The following KIF4A variants were observed in gnomAD, a reference collection of about 807,000 sequenced individuals.
The protein encoded by KIF4A is chromosome-associated kinesin KIF4A.
A neutral mutation model predicts 105.9 loss-of-function variants in KIF4A; 7 were observed. The ratio of observed to expected loss-of-function variants is 0.07; its 90% CI spans 0.04 to 0.12. The LOEUF (loss-of-function observed/expected upper bound fraction) is 0.12. Ranked by LOEUF, KIF4A falls within the 10% of genes least tolerant of loss-of-function variation. The pLI is 1.00. For missense variants in KIF4A, 558 were observed against 929.2 expected (o/e 0.60, Z 5.19); for synonymous variants, 281 against 331.3 (o/e 0.85, Z 1.65).
Position 70,353,826 on chromosome X carries a change from C to T in KIF4A, c.1674+19C>T, listed in dbSNP as rs1482438778. 1 of 1,117,177 alleles carries T rather than the reference C, an allele frequency of 9.0e-7. No individual in the cohort carries two copies. Among genetic ancestry groups the T allele is most frequent in the African/African-American group, 1.8e-5 (1 of 54,327 alleles). 92.1% of individuals were successfully genotyped at this position (1,117,177 alleles called of 1,213,427 possible). On this transcript the variant is annotated intron_variant, in intron 15 of 30. Coordinates refer to ENST00000374403, the MANE Select transcript of KIF4A (RefSeq NM_012310.5). ...ATACCAGGTAAACTATTTCCTAGGG[C>T]AGTATTTGTTCATGTCTACAGTCTC...
At chrX:70,372,189 T>G (rs2147718820) in intron 15 of KIF4A, among the ~76,000 whole-genome samples, 1 of 104,673 alleles carries the variant, frequency 9.6e-6, no homozygotes, top group South Asian at 4.4e-4. Flanking sequence ...GCTCCTCACG[T>G]CCCAGACGAT....
intron 13 of KIF4A, among the ~76,000 whole-genome samples, chrX:70,349,746 A>G (rs1379269835): frequency 2.9e-5 from 2 of 68,655 alleles, no homozygotes; most frequent in African/African-American, 1.3e-4. Flanking sequence ...GCGGCCAGGC[A>G]GAGGCGCTCC....
intron 4 of KIF4A, among the ~76,000 whole-genome samples, chrX:70,297,449 C>T (rs1480016544): frequency 8.9e-6 from 1 of 112,077 alleles, no homozygotes; most frequent in East Asian, 2.8e-4. Flanking sequence ...CCAGTTTGGC[C>T]TCTGTTACTG....
At chrX:70,359,889 G>C (rs1456890550) in intron 15 of KIF4A, among the ~76,000 whole-genome samples, 1 of 111,254 alleles carries the variant, frequency 9.0e-6, no homozygotes, top group Admixed American at 9.6e-5. Flanking sequence ...AATAGATGCT[G>C]GGTTAACGAT....
intron 9 of KIF4A, among the ~76,000 whole-genome samples, chrX:70,333,330 A>G (rs1480189680): frequency 1.8e-5 from 2 of 110,125 alleles, no homozygotes; most frequent in African/African-American, 3.3e-5. Flanking sequence ...CAAAAAAAAA[A>G]AAAAGAAAAG....
In KIF4A at chrX:70,385,690, T is replaced by C. The variant is rs777761022; in HGVS notation, c.2035-928T>C. Among the ~76,000 whole-genome samples the C allele has an allele frequency of 4.5e-5, 5 of 111,808 alleles. No homozygotes were observed. In the South Asian group the frequency reaches 1.5e-3, roughly 34 times the overall value. ...GCTGACCATTCTATCCAGATTGGAT[T>C]GGAACAAGTGAAGCCAGAAGGAGCT... On this transcript the variant is annotated intron_variant, in intron 18 of 30. Coordinates refer to ENST00000374403, the MANE Select transcript of KIF4A (RefSeq NM_012310.5).
At chrX:70,314,894 C>T (rs1018058056) in intron 7 of KIF4A, among the ~76,000 whole-genome samples, 1 of 110,649 alleles carries the variant, frequency 9.0e-6, no homozygotes, top group Non-Finnish European at 1.9e-5. Context: ...TAGATTTGTC[C>T]GTTGAGGTTT....
chrX:70,398,406 A>G (rs2086268652), intron 22 of KIF4A, among the ~76,000 whole-genome samples: 1 of 112,388 alleles, frequency 8.9e-6, no homozygotes, highest in Non-Finnish European at 1.9e-5. Context: ...GTAAATGATT[A>G]TGTAAATGTA....
intron 17 of KIF4A, 56 bp from the exon 18 acceptor site, chrX:70,376,044 C>G: frequency 3.6e-6 from 3 of 840,077 alleles, no homozygotes; most frequent in Admixed American, 2.5e-5. Context: ...TCCATCCGCA[C>G]CAGCCTAGAA....
intron 17 of KIF4A, among the ~76,000 whole-genome samples, 179 bp downstream of exon 17, chrX:70,375,527 A>G (rs1224987448): frequency 8.9e-6 from 1 of 112,128 alleles, no homozygotes; most frequent in Non-Finnish European, 1.9e-5. Flanking sequence ...GTCATCTAGG[A>G]TCTGCTTAAT....
intron 20 of KIF4A, among the ~76,000 whole-genome samples, chrX:70,395,129 C>G (rs1297163376): frequency 9.0e-6 from 1 of 111,478 alleles, no homozygotes; most frequent in Non-Finnish European, 1.9e-5. Flanking sequence ...GCTTGTAATC[C>G]CAGCTACTTG....
chrX:70,361,537 C>A, intron 15 of KIF4A: 1 of 164,925 alleles, frequency 6.1e-6, no homozygotes. Context: ...TGTGCAGCTT[C>A]CAGAACATCC....
rs937448052 is a variant in KIF4A, at chrX:70,367,950, C to T, written c.1675-6201C>T. 2.7e-5 allele frequency among the ~76,000 whole-genome samples: 3 copies of T among 111,713 alleles called. No homozygotes were observed. The Admixed American group carries it at 2.9e-4, about 11-fold the overall frequency. ...TATTTCTTGGAGGCTTTGTTCATTT[C>T]TTTTTATTCTTTTTTCTCTATACTT... On this transcript the variant is annotated intron_variant, in intron 15 of 30. Coordinates refer to ENST00000374403, the MANE Select transcript of KIF4A (RefSeq NM_012310.5).
At chrX:70,336,470 A>G (rs2085951003) in intron 10 of KIF4A, among the ~76,000 whole-genome samples, 1 of 111,810 alleles carries the variant, frequency 8.9e-6, no homozygotes, top group Non-Finnish European at 1.9e-5. Flanking sequence ...TTGCATTCCT[A>G]CCAGCAGTGT....
intron 7 of KIF4A, among the ~76,000 whole-genome samples, chrX:70,306,357 A>G (rs1400354085): frequency 9.0e-6 from 1 of 111,567 alleles, no homozygotes; most frequent in Non-Finnish European, 1.9e-5. Flanking sequence ...CCATATGAAC[A>G]TTAGGTTCAA....
At chrX:70,406,213 C>A in intron 26 of KIF4A, 46 bp from the exon 27 acceptor site, 1 of 1,079,789 alleles carries the variant, frequency 9.3e-7, no homozygotes, top group Non-Finnish European at 1.3e-6. Context: ...TGAACACTCC[C>A]AGAAGCTGCC....
At chrX:70,357,945 C>G (rs922649780) in intron 15 of KIF4A, among the ~76,000 whole-genome samples, 1 of 111,175 alleles carries the variant, frequency 9.0e-6, no homozygotes, top group African/African-American at 3.3e-5. Flanking sequence ...GGGTCTTGCT[C>G]TGTTACCCAG....
chrX:70,311,833 G>T (rs1410469856), intron 7 of KIF4A, among the ~76,000 whole-genome samples: 1 of 108,886 alleles, frequency 9.2e-6, no homozygotes, highest in East Asian at 2.9e-4. Context: ...AGGTGTGGTG[G>T]CATATACCTG....
At chrX:70,408,732 G>T (rs922061675) in intron 28 of KIF4A, among the ~76,000 whole-genome samples, 1 of 112,391 alleles carries the variant, frequency 8.9e-6, no homozygotes, top group Non-Finnish European at 1.9e-5. Context: ...TGCTCATAGT[G>T]AAACTAAGAG....
Sources: gnomAD v4.1 joint callset for allele counts (sites outside exome capture counted in the v4.1 genomes callset) on GRCh38, gnomAD v4.1.1 for gene constraint, MANE v1.5 for transcripts, NCBI Gene and HGNC (gene_info 2026-07-23, HGNC 2026-07-21) for gene names.